IGF1R: variants seen among roughly 807,000 people sequenced by gnomAD.
IGF1R encodes insulin-like growth factor 1 receptor.
IGF1R carries 44 observed loss-of-function variants against 144.6 expected under a neutral mutation model. The ratio of observed to expected loss-of-function variants is 0.30; its 90% confidence interval spans 0.24 to 0.39. The LOEUF is 0.39. Ranked by LOEUF, IGF1R falls within the 10% of genes least tolerant of loss-of-function variation. The pLI, the probability that IGF1R is intolerant of heterozygous loss-of-function variation, is 1.00. For missense variants in IGF1R, 1,355 were observed against 1,833.7 expected (o/e 0.74, Z 4.77); for synonymous variants, 795 against 722.8 (o/e 1.10, Z -1.60).
intron 2 of IGF1R, among the ~76,000 whole-genome samples, chr15:98,886,541 T>C (rs185375429): frequency 6.6e-6 from 1 of 152,216 alleles, no homozygotes; most frequent in South Asian, 2.1e-4. Context: ...ATTTTCCTCC[T>C]ATTTTTAAAA....
intron 1 of IGF1R, among the ~76,000 whole-genome samples, chr15:98,675,501 C>G (rs1223816277): frequency 6.6e-6 from 1 of 152,130 alleles, no homozygotes; most frequent in Non-Finnish European, 1.5e-5. Flanking sequence ...GTCTGTCATC[C>G]ATACTCCACC....
intron 2 of IGF1R, among the ~76,000 whole-genome samples, chr15:98,843,730 T>C (rs533981568): frequency 3.1e-4 from 47 of 152,190 alleles, no homozygotes; most frequent in Non-Finnish European, 6.0e-4. Context: ...TCACCGCTGG[T>C]TATAGGTCTT....
rs185721467 is a variant in IGF1R, at chr15:98,948,507, A to G, written c.3588-67A>G. Reference sequence around the variant, plus strand: ...CTGCTCGGGATGTAAGAAGTGCTGGAAAGGAGGGGGCAGCATTGTTCAGTC... The same window carrying G: ...CTGCTCGGGATGTAAGAAGTGCTGGGAAGGAGGGGGCAGCATTGTTCAGTC... On this transcript the variant is annotated intron_variant, in intron 19 of 20. Coordinates refer to ENST00000650285, the MANE Select transcript of IGF1R (RefSeq NM_000875.5). The G allele has an allele frequency of 9.1e-6, 14 of 1,531,154 alleles. No homozygotes were observed. The Admixed American group carries it at 2.0e-4, about 22-fold the overall frequency. 94.8% of individuals were successfully genotyped at this position (1,531,154 alleles called of 1,614,324 possible).
At chr15:98,661,890 T>G (rs1017785977) in intron 1 of IGF1R, among the ~76,000 whole-genome samples, 1 of 151,414 alleles carries the variant, frequency 6.6e-6, no homozygotes, top group Non-Finnish European at 1.5e-5. Context: ...CCTGGTGGGC[T>G]CTCTCTGGGG....
In IGF1R at chr15:98,961,574, T is replaced by C. The variant is rs1390246121; in HGVS notation, c.*4132T>C. The C allele has an allele frequency of 4.3e-6, 1 of 233,802 alleles. No individual in the cohort carries two copies. The highest frequency in any genetic ancestry group is 6.0e-5 in the East Asian group (1 of 16,586). The allele number at this position is 233,802 out of a possible 1,614,324, so 14.5% of individuals were successfully genotyped here. A position where few individuals can be genotyped will look rare whatever the true frequency, so the allele number is the denominator to read the frequency against. On this transcript the variant is annotated 3_prime_UTR_variant, in exon 21 of 21. Transcript: ENST00000650285. Reference sequence around the variant, plus strand: ...TTCCAAATAATCTTAAGCTGAGTTGTGGCATTTTCCATGCAACCTCCTTCT... The same window carrying C: ...TTCCAAATAATCTTAAGCTGAGTTGCGGCATTTTCCATGCAACCTCCTTCT...
chr15:98,786,392 TAAAC>T (rs953569182), intron 2 of IGF1R, among the ~76,000 whole-genome samples: 44 of 152,258 alleles, frequency 2.9e-4, no homozygotes, highest in African/African-American at 5.3e-4. Flanking sequence ...TTTTTTTTAT[TAAAC>T]AAAGAAGAAA....
rs74034227 is a variant in IGF1R at position 98,818,463 on chromosome 15, G to A, written c.641-72862G>A. On this transcript the variant is annotated intron_variant, in intron 2 of 20. Coordinates refer to ENST00000650285, the MANE Select transcript of IGF1R (RefSeq NM_000875.5). ...GAATAGTGGAAAAAGCAGGGAGACC[G>A]CTTAGGAAGCTGCTGGGACCGTGCA... Among the ~76,000 whole-genome samples the A allele has an allele frequency of 5.7e-3, 860 of 152,204 alleles. 5 individuals are homozygous for A. The highest frequency in any genetic ancestry group is 0.02 in the African/African-American group (814 of 41,508).
At position 98,891,404 on chromosome 15, in the gene IGF1R, C is replaced by T. The variant is rs745568970; in HGVS notation, c.720C>T (p.Ser240=). 5.6e-6 allele frequency: 9 copies of T among 1,613,254 alleles called. No homozygotes were observed. The highest frequency in any genetic ancestry group is 1.1e-5 in the South Asian group (1 of 91,054). The part of the protein sequence containing the change: ...CCHPECLGSC[S]APDNDTACVA... ...ACCCCGAGTGCCTGGGCAGCTGCAG[C>T]GCGCCTGACAACGACACGGCCTGTG... The change falls in exon 3 of 21, where the codon AGC becomes AGT. Residue 240 remains serine (S), a synonymous_variant. Coordinates refer to ENST00000650285, the MANE Select transcript of IGF1R (RefSeq NM_000875.5). The surrounding 1 kb of genome is among the most constrained non-coding windows in gnomAD (Gnocchi z 4.7).
intron 2 of IGF1R, among the ~76,000 whole-genome samples, chr15:98,839,777 A>G (rs1305440921): frequency 6.6e-6 from 1 of 152,174 alleles, no homozygotes; most frequent in African/African-American, 2.4e-5. Flanking sequence ...TCTACATGGT[A>G]GAGTGGTGCT....
intron 2 of IGF1R, among the ~76,000 whole-genome samples, chr15:98,727,269 G>C (rs2054384205): frequency 6.6e-6 from 1 of 152,156 alleles, no homozygotes; most frequent in Admixed American, 6.5e-5. Context: ...GTCGTACAGA[G>C]AGTAAAATAT....
chr15:98,697,640 C>T (rs922404361), intron 1 of IGF1R, among the ~76,000 whole-genome samples: 1 of 145,292 alleles, frequency 6.9e-6, no homozygotes, highest in Non-Finnish European at 1.5e-5. Flanking sequence ...GCTGTGTGGT[C>T]TCCCCTCAGC....
chr15:98,904,088 T>G (rs200663333), intron 5 of IGF1R, among the ~76,000 whole-genome samples: 27,388 of 145,810 alleles, frequency 0.19, 3,149 homozygotes, highest in East Asian at 0.42. Flanking sequence ...AGTCTCACTC[T>G]GTCACCCAGG....
intron 6 of IGF1R, among the ~76,000 whole-genome samples, chr15:98,909,503 C>T (rs967389262): frequency 6.6e-6 from 1 of 152,116 alleles, no homozygotes; most frequent in Non-Finnish European, 1.5e-5. Flanking sequence ...AAATGATCCA[C>T]GTGCCTCAGC....
At chr15:98,762,428 C>A (rs902657662) in intron 2 of IGF1R, among the ~76,000 whole-genome samples, 2 of 152,090 alleles carry the variant, frequency 1.3e-5, no homozygotes, top group African/African-American at 4.8e-5. Context: ...AAAAATATTT[C>A]AAAAATACAT....
chr15:98,655,577 T>C (rs922650511), intron 1 of IGF1R, among the ~76,000 whole-genome samples: 19 of 152,154 alleles, frequency 1.2e-4, no homozygotes, highest in Non-Finnish European at 2.1e-4. Context: ...TATTTGATAC[T>C]GTAAAATGTC....
At chr15:98,838,513 G>A (rs572294795) in intron 2 of IGF1R, among the ~76,000 whole-genome samples, 10 of 152,280 alleles carry the variant, frequency 6.6e-5, no homozygotes, top group Admixed American at 2.6e-4. Flanking sequence ...AGGTAGATGC[G>A]CCTGTTTACC....
chr15:98,870,729 A>G (rs1241464916), intron 2 of IGF1R, among the ~76,000 whole-genome samples: 1 of 152,222 alleles, frequency 6.6e-6, no homozygotes, highest in Non-Finnish European at 1.5e-5. Flanking sequence ...ATACCAGGAA[A>G]TTACAGAAAT....
intron 2 of IGF1R, among the ~76,000 whole-genome samples, chr15:98,729,562 G>A (rs1166247868): frequency 1.7e-5 from 1 of 57,808 alleles, no homozygotes; most frequent in African/African-American, 4.4e-5. Context: ...ACCCTAATGT[G>A]CTTTTTTTTT....
At chr15:98,810,750 G>T (rs1316965232) in intron 2 of IGF1R, among the ~76,000 whole-genome samples, 3 of 151,340 alleles carry the variant, frequency 2.0e-5, no homozygotes, top group Admixed American at 2.0e-4. Context: ...GGGTTTCACC[G>T]TGTTAGCCAG....
Sources: gnomAD v4.1 joint callset for allele counts (sites outside exome capture counted in the v4.1 genomes callset) on GRCh38, gnomAD v4.1.1 for gene constraint, Gnocchi (gnomAD v3.1) non-coding constraint, MANE v1.5 for transcripts, NCBI Gene and HGNC (gene_info 2026-07-23, HGNC 2026-07-21) for gene names.